The following ZNF804B variants were observed in gnomAD, a reference collection of about 807,000 sequenced individuals.
ZNF804B encodes zinc finger 804B.
Under a neutral mutation model 101.4 loss-of-function variants are expected in ZNF804B, and 80 were observed. The observed-to-expected ratio is 0.79, with a 90% CI of 0.66 to 0.95. The LOEUF is 0.95. ZNF804B is among the 40% of genes least tolerant of loss of function. The pLI is 0.00. For missense variants in ZNF804B, 1,673 were observed against 1,561.9 expected (o/e 1.07, Z -1.20); for synonymous variants, 622 against 558.8 (o/e 1.11, Z -1.59).
Position 89,144,637 on chromosome 7 carries a change from C to T in ZNF804B, c.109-73518C>T, listed in dbSNP as rs62461907. Among the ~76,000 whole-genome samples the T allele has an allele frequency of 4.0e-5, 6 of 151,632 alleles. No individual in the cohort carries two copies. In the East Asian group the frequency reaches 1.2e-3, roughly 29 times the overall value. On this transcript the variant is annotated intron_variant, in intron 1 of 3. Coordinates refer to ENST00000333190, the MANE Select transcript of ZNF804B (RefSeq NM_181646.5). ...TAAGATTTAGTGATCTATTATGCAA[C>T]ATGGTGACTAGAAGAAATAATAAGG... is the stretch of plus-strand genomic sequence containing the variant.
intron 2 of ZNF804B, among the ~76,000 whole-genome samples, chr7:89,255,174 G>C (rs572357500): frequency 1.3e-5 from 2 of 152,126 alleles, no homozygotes; most frequent in East Asian, 1.9e-4. Flanking sequence ...TGGCAGAACA[G>C]AGTGAGTGCA....
chr7:89,052,815 A>G lies in ZNF804B; in HGVS notation c.109-165340A>G, dbSNP rs921986025. On this transcript the variant is annotated intron_variant, in intron 1 of 3. Transcript: ENST00000333190. ...ATATTCAGATTTTCTATGAAAACTG[A>G]TATTTCCCACACTCACTTCTTTGCA... Among the ~76,000 whole-genome samples, 18 of 152,276 alleles carry G rather than the reference A, an allele frequency of 1.2e-4. No homozygotes were observed. The South Asian group carries it at 3.5e-3, about 30-fold the overall frequency.
intron 2 of ZNF804B, among the ~76,000 whole-genome samples, chr7:89,310,680 G>A (rs1790639260): frequency 6.6e-6 from 1 of 152,154 alleles, no homozygotes; most frequent in South Asian, 2.1e-4. Flanking sequence ...AAGAGTGGGA[G>A]GATGAAACAG....
chr7:89,322,888 A>G (rs1790841101), intron 2 of ZNF804B, among the ~76,000 whole-genome samples: 1 of 152,220 alleles, frequency 6.6e-6, no homozygotes, highest in Admixed American at 6.5e-5. Flanking sequence ...AGTCTTTTAG[A>G]AAATAGAGGA....
chr7:89,057,495 C>A (rs1408621773), intron 1 of ZNF804B, among the ~76,000 whole-genome samples: 11 of 90,694 alleles, frequency 1.2e-4, no homozygotes, highest in Admixed American at 1.2e-3. Flanking sequence ...CAAGGAAAAA[C>A]CCTCTTCATT....
At chr7:89,284,005 C>A (rs146215684) in intron 2 of ZNF804B, among the ~76,000 whole-genome samples, 2 of 151,994 alleles carry the variant, frequency 1.3e-5, no homozygotes, top group African/African-American at 2.4e-5. Flanking sequence ...TCATTTACTG[C>A]CATAAAATAT....
In ZNF804B at chr7:89,037,536, A is replaced by G. The variant is rs139526597; in HGVS notation, c.109-180619A>G. Among the ~76,000 whole-genome samples, 730 of 151,624 alleles carry G rather than the reference A, an allele frequency of 4.8e-3. 7 individuals are homozygous for G. Among genetic ancestry groups the G allele is most frequent in the African/African-American group, 0.016 (670 of 41,258 alleles). On this transcript the variant is annotated intron_variant, in intron 1 of 3. Transcript: ENST00000333190. ...CCTATAATTGACAAATGAAAATTGT[A>G]TATGTTTATAGTGCACAATGTAATG...
At position 88,788,657 on chromosome 7, in the gene ZNF804B, G is replaced by A. The variant is rs549500097; in HGVS notation, c.108+28573G>A. 7.2e-5 allele frequency among the ~76,000 whole-genome samples: 11 copies of A among 152,214 alleles called. No individual in the cohort carries two copies. In the South Asian group the frequency reaches 1.9e-3, roughly 26 times the overall value. On this transcript the variant is annotated intron_variant, in intron 1 of 3. Coordinates refer to ENST00000333190, the MANE Select transcript of ZNF804B (RefSeq NM_181646.5). ...TCTTTTTTACCATTGTATCTTCAGG[G>A]TGTAGGCAGGAATGCAAACAACATA...
At chr7:89,049,626 T>C (rs961063648) in intron 1 of ZNF804B, among the ~76,000 whole-genome samples, 8 of 152,070 alleles carry the variant, frequency 5.3e-5, no homozygotes, top group Non-Finnish European at 7.4e-5. Context: ...ATTTGTTCTT[T>C]ACTATGAAGT....
intron 2 of ZNF804B, among the ~76,000 whole-genome samples, chr7:89,314,040 T>G (rs1344855115): frequency 6.6e-6 from 1 of 152,174 alleles, no homozygotes; most frequent in African/African-American, 2.4e-5. Flanking sequence ...AGAAATCCAG[T>G]TTTTCCCCCT....
At chr7:89,219,610 TGG>T (rs1253924441) in intron 2 of ZNF804B, among the ~76,000 whole-genome samples, 1 of 151,602 alleles carries the variant, frequency 6.6e-6, no homozygotes, top group Non-Finnish European at 1.5e-5. Flanking sequence ...ATGGCGATAC[TGG>T]CAATTTAGGA....
rs570997279 is a variant in ZNF804B, at chr7:89,167,055, AT to A, written c.109-51094del. On this transcript the variant is annotated intron_variant, in intron 1 of 3. Coordinates refer to ENST00000333190, the MANE Select transcript of ZNF804B (RefSeq NM_181646.5). ...ATGATAAAATAGACTAATTTTTTGCATTTTTTAATGCATTTATGACATACCT... is the reference window on the plus strand; with the variant it reads ...ATGATAAAATAGACTAATTTTTTGCATTTTTAATGCATTTATGACATACCT... Among the ~76,000 whole-genome samples, 11 of 152,130 alleles carry A rather than the reference AT, an allele frequency of 7.2e-5. No homozygotes were observed. In the East Asian group the frequency reaches 7.7e-4, roughly 11 times the overall value.
intron 1 of ZNF804B, among the ~76,000 whole-genome samples, chr7:88,982,060 C>T (rs1278130971): frequency 6.6e-6 from 1 of 151,950 alleles, no homozygotes; most frequent in Non-Finnish European, 1.5e-5. Context: ...ATTTGACTGT[C>T]TTGCTCTGCC....
intron 1 of ZNF804B, among the ~76,000 whole-genome samples, chr7:88,944,937 GT>G (rs1793105413): frequency 1.3e-5 from 2 of 151,504 alleles, no homozygotes; most frequent in African/African-American, 4.8e-5. Flanking sequence ...AAAAGATGGG[GT>G]TGTTTTTTTC....
chr7:89,088,521 G>T (rs185309434), intron 1 of ZNF804B, among the ~76,000 whole-genome samples: 2 of 150,758 alleles, frequency 1.3e-5, no homozygotes, highest in African/African-American at 4.9e-5. Context: ...ATGAGTAAAG[G>T]CCCCATGTAA....
intron 2 of ZNF804B, among the ~76,000 whole-genome samples, chr7:89,327,113 C>A (rs1020511419): frequency 6.9e-6 from 1 of 145,712 alleles, no homozygotes; most frequent in African/African-American, 2.8e-5. Flanking sequence ...GGCCTGGGGC[C>A]CAGCTTTGCA....
chr7:88,874,251 T>C (rs1179869799), intron 1 of ZNF804B, among the ~76,000 whole-genome samples: 1 of 152,162 alleles, frequency 6.6e-6, no homozygotes, highest in African/African-American at 2.4e-5. Flanking sequence ...GGGAGTTCAC[T>C]CATGATTTGG....
chr7:89,280,162 G>A (rs1790066129), intron 2 of ZNF804B, among the ~76,000 whole-genome samples: 3 of 152,008 alleles, frequency 2.0e-5, no homozygotes, highest in African/African-American at 7.3e-5. Flanking sequence ...AAGACTACTG[G>A]GTACATAACG....
intron 1 of ZNF804B, among the ~76,000 whole-genome samples, chr7:88,774,764 T>A (rs1790118225): frequency 6.6e-6 from 1 of 152,100 alleles, no homozygotes; most frequent in Non-Finnish European, 1.5e-5. Context: ...TCTGCTTTGA[T>A]GGGGTAGGTT....
Sources: allele counts gnomAD v4.1 joint callset (sites outside exome capture counted in the v4.1 genomes callset), GRCh38; gene constraint gnomAD v4.1.1; transcripts MANE v1.5; gene names NCBI Gene and HGNC (gene_info 2026-07-23, HGNC 2026-07-21).